The following LYPLAL1 variants were observed in gnomAD, a reference collection of about 807,000 sequenced individuals.
LYPLAL1 encodes the protein lysophospholipase-like protein 1.
In LYPLAL1, 23 loss-of-function variants were observed where a neutral mutation model predicts 19.7. That is an observed-to-expected ratio of 1.17 (90% CI 0.84 to 1.65). The LOEUF (loss-of-function observed/expected upper bound fraction) is 1.65, where lower values mean the gene tolerates loss of function less well. Ranked by LOEUF, LYPLAL1 falls within the 40% of genes most tolerant of loss-of-function variation. The probability of loss-of-function intolerance (pLI) is 0.00; values close to 1 mark genes in which losing one functional copy is unlikely to be tolerated. For synonymous variants in LYPLAL1, 119 were observed against 96.3 expected (o/e 1.24, Z -1.38); for missense variants, 355 against 279.4 (o/e 1.27, Z -1.93).
chr1:219,412,627 G>A, the LYPLAL1 span, among the ~76,000 whole-genome samples: 1 of 152,128 alleles, frequency 6.6e-6, no homozygotes, highest in Non-Finnish European at 1.5e-5. Flanking sequence ...TCTTTAAAAT[G>A]ACCATGAAGA....
chr1:219,216,412 C>CT (rs1659292142), downstream of LYPLAL1, among the ~76,000 whole-genome samples: 1 of 152,042 alleles, frequency 6.6e-6, no homozygotes, highest in Non-Finnish European at 1.5e-5. Flanking sequence ...GTATTAAAAA[C>CT]TGTTTTATCC....
the LYPLAL1 span, among the ~76,000 whole-genome samples, chr1:219,391,549 C>T: frequency 6.7e-6 from 1 of 150,188 alleles, no homozygotes; most frequent in African/African-American, 2.4e-5. Context: ...GGTTCTGAGT[C>T]AATTGGTAGA....
At chr1:219,181,742 G>C (rs1448868411) in intron 2 of LYPLAL1, among the ~76,000 whole-genome samples, 1 of 152,058 alleles carries the variant, frequency 6.6e-6, no homozygotes, top group African/African-American at 2.4e-5. Context: ...AGTTAAGAGA[G>C]ATGATATCAT....
chr1:219,236,022 A>G, the LYPLAL1 span, among the ~76,000 whole-genome samples: 2 of 152,252 alleles, frequency 1.3e-5, no homozygotes, highest in African/African-American at 4.8e-5. Context: ...ATTGTTATAC[A>G]GTGGAATAAT....
intron 3 of LYPLAL1, among the ~76,000 whole-genome samples, chr1:219,203,364 A>C (rs980357814): frequency 1.3e-5 from 2 of 152,146 alleles, no homozygotes; most frequent in Admixed American, 1.3e-4. Flanking sequence ...ACAGGTCAAA[A>C]ATGATACTTC....
At chr1:219,174,092 G>T (rs1655599667) in intron 1 of LYPLAL1, 111 bp downstream of exon 1, 3 of 1,514,650 alleles carry the variant, frequency 2.0e-6, no homozygotes, top group African/African-American at 2.8e-5. Flanking sequence ...AGGGCCCAGT[G>T]GGTGGCTCCC....
chr1:219,343,003 T>G, the LYPLAL1 span, among the ~76,000 whole-genome samples: 1 of 152,184 alleles, frequency 6.6e-6, no homozygotes, highest in East Asian at 1.9e-4. Flanking sequence ...GGAGCACGGA[T>G]GTGATAGTGG....
At chr1:219,261,288 G>A in the LYPLAL1 span, among the ~76,000 whole-genome samples, 5 of 152,194 alleles carry the variant, frequency 3.3e-5, no homozygotes, top group African/African-American at 7.2e-5. Flanking sequence ...ATCTCTCATC[G>A]TCCTGTGTAT....
chr1:219,316,749 G>A, the LYPLAL1 span, among the ~76,000 whole-genome samples: 1 of 152,126 alleles, frequency 6.6e-6, no homozygotes, highest in Admixed American at 6.6e-5. Context: ...GCTGCAATGT[G>A]GATTAATCTT....
chr1:219,430,868 G>T, the LYPLAL1 span, among the ~76,000 whole-genome samples: 2 of 152,066 alleles, frequency 1.3e-5, no homozygotes, highest in South Asian at 4.2e-4. Context: ...GTAGAGATGG[G>T]GTCTCACTAT....
the LYPLAL1 span, among the ~76,000 whole-genome samples, chr1:219,348,658 T>C: frequency 6.6e-6 from 1 of 152,328 alleles, no homozygotes; most frequent in African/African-American, 2.4e-5. Context: ...GTACAGTCTA[T>C]GGTAAATATG....
the LYPLAL1 span, among the ~76,000 whole-genome samples, chr1:219,264,615 C>T: frequency 6.6e-6 from 1 of 152,100 alleles, no homozygotes; most frequent in African/African-American, 2.4e-5. Context: ...TGGGGGTGGG[C>T]AGTCTGGAGT....
chr1:219,393,539 T>C, the LYPLAL1 span, among the ~76,000 whole-genome samples: 1 of 152,130 alleles, frequency 6.6e-6, no homozygotes, highest in African/African-American at 2.4e-5. Flanking sequence ...AAGACAAGAC[T>C]GGCTGATGCA....
the LYPLAL1 span, among the ~76,000 whole-genome samples, chr1:219,261,225 C>T: frequency 6.6e-6 from 1 of 152,086 alleles, no homozygotes; most frequent in African/African-American, 2.4e-5. Flanking sequence ...ATTGAAATGA[C>T]CTGGATGAAC....
chr1:219,422,749 G>A, the LYPLAL1 span, among the ~76,000 whole-genome samples: 1 of 152,132 alleles, frequency 6.6e-6, no homozygotes, highest in Admixed American at 6.5e-5. Context: ...TGCTTGGGGA[G>A]CAGGCTTTTA....
the LYPLAL1 span, among the ~76,000 whole-genome samples, chr1:219,306,741 CATAG>C: frequency 0.038 from 4,855 of 128,160 alleles, 148 homozygotes; most frequent in African/African-American, 0.072. Context: ...CAGACAGATG[CATAG>C]ATAGATAGAT....
chr1:219,223,858 T>A, the LYPLAL1 span, among the ~76,000 whole-genome samples: 3 of 152,282 alleles, frequency 2.0e-5, no homozygotes, highest in South Asian at 6.2e-4. Flanking sequence ...AAATTCATAA[T>A]TGGTATTTTG....
the LYPLAL1 span, among the ~76,000 whole-genome samples, chr1:219,385,784 A>C: frequency 6.6e-6 from 1 of 152,206 alleles, no homozygotes; most frequent in South Asian, 2.1e-4. Context: ...CTAACAAAGA[A>C]TTTTGTAGGT....
At chr1:219,278,678 A>AAACAACAACAACAACAAC in the LYPLAL1 span, among the ~76,000 whole-genome samples, 641 of 150,740 alleles carry the variant, frequency 4.3e-3, 5 homozygotes, top group African/African-American at 0.015. Context: ...AAAAATCACT[A>AAACAACAACAACAACAAC]AACAACAACA....
Sources: allele counts gnomAD v4.1 joint callset (sites outside exome capture counted in the v4.1 genomes callset), GRCh38; gene constraint gnomAD v4.1.1; transcripts MANE v1.5; gene names NCBI Gene and HGNC (gene_info 2026-07-23, HGNC 2026-07-21).